The following DDX31 variants were observed in gnomAD, a reference collection of about 807,000 sequenced individuals.
DDX31 encodes the protein DEAD-box helicase 31, also known as ATP-dependent DNA helicase DDX31.
In DDX31, 70 loss-of-function variants were observed where a neutral mutation model predicts 91.3. That is an observed-to-expected ratio of 0.77 (90% CI 0.63 to 0.94). The LOEUF (loss-of-function observed/expected upper bound fraction) is 0.94, where lower values mean the gene tolerates loss of function less well. DDX31 is among the 40% of genes least tolerant of loss of function. The pLI, the probability that DDX31 is intolerant of heterozygous loss-of-function variation, is 0.00. For synonymous variants in DDX31, 362 were observed against 350.6 expected, an observed-to-expected ratio of 1.03 and a Z score of -0.36; for missense variants, 902 against 925.0, an observed-to-expected ratio of 0.98 and a Z score of 0.32.
At chr9:132,637,993 C>A in intron 14 of DDX31, 3 of 1,054,152 alleles carry the variant, frequency 2.8e-6, no homozygotes, top group Non-Finnish European at 3.4e-6. Flanking sequence ...AAGAACTGCA[C>A]AGACAGAACA....
chr9:132,652,608 G>C (rs764374275), intron 6 of DDX31, 116 bp from the exon 7 acceptor site: 3 of 1,344,346 alleles, frequency 2.2e-6, no homozygotes, highest in Non-Finnish European at 3.1e-6. Context: ...AATGAAGAAA[G>C]GGACAAAATA....
intron 13 of DDX31, among the ~76,000 whole-genome samples, chr9:132,643,407 C>T (rs1381573173): frequency 6.6e-6 from 1 of 152,210 alleles, no homozygotes; most frequent in Non-Finnish European, 1.5e-5. Flanking sequence ...AAGTCTCTGC[C>T]GCTTTGGCAC....
At chr9:132,620,591 A>G (rs180687913) in intron 17 of DDX31, among the ~76,000 whole-genome samples, 70 of 144,404 alleles carry the variant, frequency 4.8e-4, no homozygotes, top group African/African-American at 1.8e-3. Context: ...ATACTTAGGA[A>G]AAAAAAAATC....
At chr9:132,659,599 C>G (rs376208342) in intron 5 of DDX31, 111 bp downstream of exon 5, 2 of 1,040,704 alleles carry the variant, frequency 1.9e-6, no homozygotes, top group Non-Finnish European at 2.9e-6. Flanking sequence ...CTCCCTCCCC[C>G]AAACGAAACA....
At chr9:132,632,276 A>ACACACACACACACACAGTCCTG in intron 14 of DDX31, among the ~76,000 whole-genome samples, 185 bp from the exon 15 acceptor site, 3 of 148,144 alleles carry the variant, frequency 2.0e-5, no homozygotes, top group Non-Finnish European at 4.5e-5. Flanking sequence ...ACACACACAC[A>ACACACACACACACACAGTCCTG]CACACACACA....
At chr9:132,649,107 ATTT>A (rs539446276) in intron 9 of DDX31, among the ~76,000 whole-genome samples, 1 of 149,390 alleles carries the variant, frequency 6.7e-6, no homozygotes, top group Non-Finnish European at 1.5e-5. Flanking sequence ...TTTTTAGCAC[ATTT>A]TTTTTTTCTT....
intron 6 of DDX31, among the ~76,000 whole-genome samples, chr9:132,653,448 C>T (rs1347714921): frequency 3.3e-5 from 4 of 120,744 alleles, no homozygotes; most frequent in Admixed American, 1.1e-4. Flanking sequence ...GGGCTGAGAT[C>T]GCACCATTGT....
intron 6 of DDX31, among the ~76,000 whole-genome samples, chr9:132,653,494 CAAAAAAAAAAAAAAAAAAAAAAAA>C (rs71376648): frequency 5.2e-3 from 107 of 20,662 alleles, no homozygotes; most frequent in African/African-American, 8.1e-3. Context: ...AACTCAGTCT[CAAAAAAAAAAAAAAAAAAAAAAAA>C]AAAAAAAAAA....
At chr9:132,659,253 G>A (rs1030731666) in intron 5 of DDX31, among the ~76,000 whole-genome samples, 2 of 152,200 alleles carry the variant, frequency 1.3e-5, no homozygotes, top group Non-Finnish European at 2.9e-5. Flanking sequence ...ATAGCTGACT[G>A]CCCACTGAGG....
chr9:132,662,666 T>C lies in DDX31; in HGVS notation c.105A>G (p.Gln35=). 2 of 1,614,192 alleles carry C rather than the reference T, an allele frequency of 1.2e-6. No individual in the cohort carries two copies. The highest frequency in any genetic ancestry group is 1.3e-5 in the African/African-American group (1 of 75,042). The change falls in exon 2 of 20, where the codon CAA becomes CAG. Residue 35 remains glutamine, a synonymous_variant. Transcript: ENST00000372159. Reference sequence around the variant, plus strand: ...TCGCTGGGGGAGCCTCACTGGACGCTTGGTATTTTCTTTTCGTAGCCTTTG... The same window carrying C: ...TCGCTGGGGGAGCCTCACTGGACGCCTGGTATTTTCTTTTCGTAGCCTTTG... ...RQAKATKRKY[Q]ASSEAPPAKR...
At chr9:132,665,059 A>G (rs1361166993) in intron 1 of DDX31, among the ~76,000 whole-genome samples, 1 of 152,180 alleles carries the variant, frequency 6.6e-6, no homozygotes, top group Non-Finnish European at 1.5e-5. Flanking sequence ...TCGACAAAAT[A>G]ATAAGCATAG....
At chr9:132,622,144 C>A (rs1349685337) in intron 17 of DDX31, among the ~76,000 whole-genome samples, 1 of 152,114 alleles carries the variant, frequency 6.6e-6, no homozygotes, top group Non-Finnish European at 1.5e-5. Context: ...CACTTTATAC[C>A]TCGTTTTATT....
At chr9:132,626,055 C>A (rs1564298713) in intron 16 of DDX31, among the ~76,000 whole-genome samples, 1 of 151,732 alleles carries the variant, frequency 6.6e-6, no homozygotes. Context: ...AATAAGTGTG[C>A]CCACTCACTG....
intron 19 of DDX31, among the ~76,000 whole-genome samples, chr9:132,596,775 TGGGAG>T (rs1343397444): frequency 3.3e-5 from 5 of 151,976 alleles, no homozygotes; most frequent in Non-Finnish European, 7.4e-5. Flanking sequence ...TGAGATGTGA[TGGGAG>T]GGGTCCTCTG....
chr9:132,655,187 A>C (rs1834486609), intron 6 of DDX31, among the ~76,000 whole-genome samples: 1 of 152,208 alleles, frequency 6.6e-6, no homozygotes, highest in Admixed American at 6.5e-5. Context: ...AGAGTATTTA[A>C]GTGGCCTTGT....
At chr9:132,646,743 A>G in intron 12 of DDX31, 80 bp downstream of exon 12, 2 of 1,417,888 alleles carry the variant, frequency 1.4e-6, no homozygotes, top group Non-Finnish European at 2.0e-6. Flanking sequence ...TGGTGTCTCA[A>G]CTCATTGCTC....
intron 8 of DDX31, 109 bp downstream of exon 8, chr9:132,650,966 A>G: frequency 8.6e-7 from 1 of 1,168,640 alleles, no homozygotes; most frequent in South Asian, 1.4e-5. Context: ...ATATCCAGGC[A>G]AAAGGAAATA....
chr9:132,669,924 G>A lies in DDX31; in HGVS notation c.11C>T (p.Ala4Val), dbSNP rs866999962. The part of the protein sequence containing the change: MAA[A>V]DGSLFDNPRT... ...GGGGTTGTCGAAGAGCGAACCGTCG[G>A]CGGCTGCCATGGTCTGCGTGGGTGA... Residue 4 changes from alanine (A) to valine (V), a missense_variant, in exon 1 of 20, where the codon GCC becomes GTC. By Grantham distance (64) the Ala-to-Val change is moderately conservative (BLOSUM62 0). Coordinates refer to ENST00000372159, the MANE Select transcript of DDX31 (RefSeq NM_022779.9). 6.3e-7 allele frequency: 1 copy of A among 1,594,136 alleles called. No individual in the cohort carries two copies. The highest frequency in any genetic ancestry group is 1.3e-5 in the African/African-American group (1 of 74,716).
intron 19 of DDX31, among the ~76,000 whole-genome samples, chr9:132,598,165 A>G (rs1237503665): frequency 2.6e-5 from 4 of 152,100 alleles, no homozygotes; most frequent in African/African-American, 9.7e-5. Flanking sequence ...AGCCACCTCA[A>G]CAAAACCCAT....
Sources: gnomAD v4.1 joint callset for allele counts (sites outside exome capture counted in the v4.1 genomes callset) on GRCh38, gnomAD v4.1.1 for gene constraint, MANE v1.5 for transcripts, NCBI Gene and HGNC (gene_info 2026-07-23, HGNC 2026-07-21) for gene names.